The following TBC1D23 variants were observed in gnomAD, a reference collection of about 807,000 sequenced individuals.
TBC1D23 encodes HCV non-structural protein 4A-transactivated protein 1.
Under a neutral mutation model 91.4 loss-of-function variants are expected in TBC1D23, and 55 were observed. The observed-to-expected ratio is 0.60, with a 90% CI of 0.48 to 0.75. The LOEUF (loss-of-function observed/expected upper bound fraction) is 0.75, where lower values mean the gene tolerates loss of function less well. Among genes scored for constraint, TBC1D23 ranks in the 30% least tolerant of loss-of-function variants. The pLI is 0.00. For missense variants in TBC1D23, 725 were observed against 836.1 expected (o/e 0.87, Z 1.64); for synonymous variants, 289 against 281.0 (o/e 1.03, Z -0.28).
At chr3:100,307,135 G>A (rs561194501) in intron 13 of TBC1D23, among the ~76,000 whole-genome samples, 1 of 152,346 alleles carries the variant, frequency 6.6e-6, no homozygotes, top group South Asian at 2.1e-4. Flanking sequence ...TTTTGCTACA[G>A]TGGATAAATC....
intron 11 of TBC1D23, among the ~76,000 whole-genome samples, chr3:100,304,496 C>T (rs1047552585): frequency 1.3e-5 from 2 of 151,906 alleles, no homozygotes; most frequent in Non-Finnish European, 2.9e-5. Flanking sequence ...TAATAAAGGA[C>T]CCAAAATATT....
rs772063942 is a variant in TBC1D23, at chr3:100,310,513, T to C, written c.1524T>C (p.Phe508=). 2.5e-6 allele frequency: 4 copies of C among 1,613,530 alleles called. No individual in the cohort carries two copies. The highest frequency in any genetic ancestry group is 3.4e-6 in the Non-Finnish European group (4 of 1,179,736). ...SVNVREKVIS[F]IENTSTPVDR... is the part of the protein sequence containing the mutation. Reference sequence around the variant, plus strand: ...ATGTCAGGGAAAAAGTTATCAGTTTTATAGAGAATACATCAACTCCTGTGG... The same window carrying C: ...ATGTCAGGGAAAAAGTTATCAGTTTCATAGAGAATACATCAACTCCTGTGG... Residue 508 remains phenylalanine, a synonymous_variant, in exon 14 of 19, where the codon TTT becomes TTC. Coordinates refer to ENST00000394144, the MANE Select transcript of TBC1D23 (RefSeq NM_001199198.3).
Position 100,293,104 on chromosome 3 carries a change from A to AGTTTGTTTGTTT in TBC1D23, c.601-1970_601-1959dup, listed in dbSNP as rs56925154. On this transcript the variant is annotated intron_variant, in intron 5 of 18. Transcript: ENST00000394144. ...TTTCTCTTCAGCTGATATGCCAGAT[A>AGTTTGTTTGTTT]GTTTGTTTGTTTGTTTGTTTGTTTA... Among the ~76,000 whole-genome samples the AGTTTGTTTGTTT allele has an allele frequency of 8.5e-3, 1,283 of 150,512 alleles. 37 individuals are homozygous for AGTTTGTTTGTTT. The East Asian group carries it at 0.11, about 13-fold the overall frequency.
At chr3:100,267,866 C>T (rs2067569393) in intron 1 of TBC1D23, among the ~76,000 whole-genome samples, 1 of 152,156 alleles carries the variant, frequency 6.6e-6, no homozygotes, top group Non-Finnish European at 1.5e-5. Context: ...CTTAAAACAG[C>T]TCTATGAGAA....
chr3:100,283,714 A>G lies in TBC1D23; in HGVS notation c.379A>G (p.Ser127Gly), dbSNP rs138343355. The G allele has an allele frequency of 2.5e-5, 40 of 1,612,568 alleles. No individual in the cohort carries two copies. Among genetic ancestry groups the G allele is most frequent in the Non-Finnish European group, 2.9e-5 (34 of 1,178,720 alleles). Residue 127 changes from serine to glycine, a missense_variant, in exon 4 of 19, where the codon AGC (serine) becomes GGC (glycine). Transcript: ENST00000394144. ...SRNIKYSTSL[S>G]WIHLLKPLVH... ...TAACATTAAATATAGCACATCCCTT[A>G]GCTGGATACATCTACTGAAACCATT...
chr3:100,262,371 C>T (rs980772206), intron 1 of TBC1D23, among the ~76,000 whole-genome samples: 1 of 152,048 alleles, frequency 6.6e-6, no homozygotes, highest in Admixed American at 6.6e-5. Context: ...ATTTAAGCCC[C>T]AGGGCTGTCT....
chr3:100,314,425 A>G (rs6762794), intron 15 of TBC1D23, among the ~76,000 whole-genome samples: 38,649 of 151,824 alleles, frequency 0.25, 5,224 homozygotes, highest in East Asian at 0.49. Flanking sequence ...TTTTATTGAT[A>G]GTGTGTAAAG....
At chr3:100,322,488 T>TA (rs1292662207) in intron 18 of TBC1D23, among the ~76,000 whole-genome samples, 8 of 152,256 alleles carry the variant, frequency 5.3e-5, no homozygotes, top group South Asian at 2.1e-4. Flanking sequence ...GATTGGCATT[T>TA]ACATTGTTTT....
intron 1 of TBC1D23, 196 bp downstream of exon 1, chr3:100,261,267 A>G: frequency 1.7e-6 from 1 of 591,944 alleles, no homozygotes; most frequent in Non-Finnish European, 3.0e-6. Flanking sequence ...CTGGGGCGGG[A>G]CTCCCAAGGA....
intron 14 of TBC1D23, among the ~76,000 whole-genome samples, chr3:100,311,172 A>G (rs747967631): frequency 6.6e-6 from 1 of 152,210 alleles, no homozygotes; most frequent in African/African-American, 2.4e-5. Flanking sequence ...AGCTAACCTT[A>G]TAATTGCAAC....
At chr3:100,295,557 C>T (rs2067831870) in intron 7 of TBC1D23, among the ~76,000 whole-genome samples, 1 of 152,078 alleles carries the variant, frequency 6.6e-6, no homozygotes, top group African/African-American at 2.4e-5. Flanking sequence ...CATATTTGTT[C>T]ACTCTTTCAT....
intron 12 of TBC1D23, among the ~76,000 whole-genome samples, chr3:100,306,150 A>G (rs751913941): frequency 3.3e-5 from 5 of 152,202 alleles, no homozygotes; most frequent in Non-Finnish European, 7.3e-5. Context: ...TACTTGAAAG[A>G]TTTCCTTTCA....
chr3:100,324,427 C>G lies in TBC1D23; in HGVS notation c.*759C>G, dbSNP rs1705918031. The G allele has an allele frequency of 6.6e-6, 1 of 152,150 alleles. No individual in the cohort carries two copies. The highest frequency in any genetic ancestry group is 6.5e-5 in the Admixed American group (1 of 15,282). The allele number at this position is 152,150 out of a possible 1,614,324, so 9.4% of individuals were successfully genotyped here. On this transcript the variant is annotated 3_prime_UTR_variant, in exon 19 of 19. Transcript: ENST00000394144. ...GACAGAATTGTGTCTGTAAAAATGTCATTGGTTTTATTACAAGCGGATTAT... is the reference window on the plus strand; with the variant it reads ...GACAGAATTGTGTCTGTAAAAATGTGATTGGTTTTATTACAAGCGGATTAT...
Position 100,261,992 on chromosome 3 carries a change from A to G in TBC1D23, c.53+921A>G, listed in dbSNP as rs572382162. On this transcript the variant is annotated intron_variant, in intron 1 of 18. Transcript: ENST00000394144. ...TGTACAGCTCATGGGCACTTTAAAA[A>G]TAATACAGGACATTGATAGACATCG... Among the ~76,000 whole-genome samples the G allele has an allele frequency of 7.2e-5, 11 of 152,370 alleles. No homozygotes were observed. In the South Asian group the frequency reaches 1.9e-3, roughly 26 times the overall value.
chr3:100,309,656 G>T (rs1288232099), intron 13 of TBC1D23, among the ~76,000 whole-genome samples: 2 of 130,082 alleles, frequency 1.5e-5, no homozygotes, highest in African/African-American at 5.8e-5. Flanking sequence ...CTGTCGCGCA[G>T]ACTGGAGTGC....
chr3:100,308,198 G>A (rs1193846123), intron 13 of TBC1D23, among the ~76,000 whole-genome samples: 1 of 152,132 alleles, frequency 6.6e-6, no homozygotes, highest in African/African-American at 2.4e-5. Flanking sequence ...AAAGTAGGCC[G>A]GGCACAGTGG....
intron 1 of TBC1D23, among the ~76,000 whole-genome samples, chr3:100,277,468 C>G (rs753471864): frequency 2.0e-5 from 3 of 152,128 alleles, no homozygotes; most frequent in Non-Finnish European, 4.4e-5. Context: ...ATCAAAGACT[C>G]CAACAGCAGC....
chr3:100,289,587 C>T (rs2067772426), intron 4 of TBC1D23, among the ~76,000 whole-genome samples: 1 of 152,038 alleles, frequency 6.6e-6, no homozygotes, highest in Non-Finnish European at 1.5e-5. Flanking sequence ...TGCTTGGGTG[C>T]CTGGGTAGAG....
chr3:100,315,486 A>G (rs2148871553), intron 15 of TBC1D23, among the ~76,000 whole-genome samples: 1 of 152,258 alleles, frequency 6.6e-6, no homozygotes, highest in East Asian at 1.9e-4. Flanking sequence ...TTTATGGCTT[A>G]TATTTACACA....
Sources: allele counts gnomAD v4.1 joint callset (sites outside exome capture counted in the v4.1 genomes callset), GRCh38; gene constraint gnomAD v4.1.1; transcripts MANE v1.5; gene names NCBI Gene and HGNC (gene_info 2026-07-23, HGNC 2026-07-21).